Variants in COG4 observed in about 807,000 individuals in gnomAD.
COG4 encodes component of oligomeric golgi complex 4.
A neutral mutation model predicts 95.1 loss-of-function variants in COG4; 65 were observed. That is an observed-to-expected ratio of 0.68 (90% CI 0.56 to 0.84). The LOEUF is 0.84. Among genes scored for constraint, COG4 ranks in the 40% least tolerant of loss-of-function variants. COG4 has a pLI of 0.00. For synonymous variants in COG4, 421 were observed against 374.8 expected (o/e 1.12, Z -1.42); for missense variants, 1,045 against 989.1 (o/e 1.06, Z -0.76).
intron 8 of COG4, among the ~76,000 whole-genome samples, chr16:70,506,630 C>G (rs1427312828): frequency 1.6e-5 from 1 of 61,774 alleles, no homozygotes; most frequent in Non-Finnish European, 3.2e-5. Flanking sequence ...AAAAAAAAAA[C>G]ATTTAGCTGG....
At chr16:70,494,567 C>A (rs930834515) in intron 12 of COG4, among the ~76,000 whole-genome samples, 2 of 152,156 alleles carry the variant, frequency 1.3e-5, no homozygotes, top group Non-Finnish European at 2.9e-5. Context: ...GAGGTCCTCA[C>A]AGAGCGAATA....
At chr16:70,518,974 T>C (rs986439010) in intron 2 of COG4, among the ~76,000 whole-genome samples, 2 of 138,718 alleles carry the variant, frequency 1.4e-5, no homozygotes, top group African/African-American at 3.1e-5. Flanking sequence ...CGAAGCTCCA[T>C]CTCAAAAAAA....
At chr16:70,499,216 G>A (rs2049399767) in intron 9 of COG4, among the ~76,000 whole-genome samples, 1 of 151,834 alleles carries the variant, frequency 6.6e-6, no homozygotes, top group Non-Finnish European at 1.5e-5. Context: ...GAATCCAGCT[G>A]AGAAAGATGA....
intron 3 of COG4, among the ~76,000 whole-genome samples, chr16:70,517,146 G>T (rs1276001018): frequency 6.6e-6 from 1 of 151,994 alleles, no homozygotes; most frequent in African/African-American, 2.4e-5. Context: ...CAATCCTCCT[G>T]TTCTGGCCTC....
At chr16:70,486,046 C>T (rs973320696) in intron 13 of COG4, among the ~76,000 whole-genome samples, 20 of 152,030 alleles carry the variant, frequency 1.3e-4, no homozygotes, top group African/African-American at 4.8e-4. Context: ...CAGGCGCCCA[C>T]CACCACGCTC....
In COG4 at chr16:70,481,131, A is replaced by G; in HGVS notation, c.2249T>C (p.Leu750Pro). The G allele has an allele frequency of 1.9e-6, 3 of 1,613,390 alleles. No homozygotes were observed. Among genetic ancestry groups the G allele is most frequent in the Non-Finnish European group, 2.5e-6 (3 of 1,179,962 alleles). ...GCCGGAATTGGGTCCCCAGTAATCG[A>G]GGATCTCGGTCACCTGTGGGGAAGG... is the stretch of plus-strand genomic sequence containing the variant. The part of the protein sequence containing the change: ...ILNLERVTEI[L>P]DYWGPNSGPL... Residue 750 changes from leucine (L) to proline (P), a missense_variant, in exon 19 of 19, where the codon CTC becomes CCC. By Grantham distance (98) the Leu-to-Pro change is moderately conservative. Transcript: ENST00000323786.
chr16:70,500,095 A>G (rs1042186139), intron 9 of COG4, among the ~76,000 whole-genome samples: 2 of 151,544 alleles, frequency 1.3e-5, no homozygotes, highest in Admixed American at 1.3e-4. Flanking sequence ...CGGCCTCCCA[A>G]AGTTTTGGGA....
chr16:70,516,714 T>G (rs752043517), intron 3 of COG4, among the ~76,000 whole-genome samples: 4 of 152,128 alleles, frequency 2.6e-5, no homozygotes, highest in Non-Finnish European at 5.9e-5. Flanking sequence ...TCTTCTAATC[T>G]CTAATGTGGT....
rs866856008 is a variant in COG4, at chr16:70,509,162, C to T, written c.1002+69G>A. 1.3e-5 allele frequency: 20 copies of T among 1,590,710 alleles called. No individual in the cohort carries two copies. In the South Asian group the frequency reaches 1.5e-4, roughly 12 times the overall value. ...TTTTTTTTCACTTTTTCAAACCCTA[C>T]AATTTATTCTACTCAGTGTTCCTCG... On this transcript the variant is annotated intron_variant, in intron 7 of 18. Coordinates refer to ENST00000323786, the MANE Select transcript of COG4 (RefSeq NM_015386.3).
chr16:70,498,070 A>C lies in COG4; in HGVS notation c.1196-15T>G. On this transcript the variant is annotated splice_polypyrimidine_tract_variant and intron_variant, in intron 9 of 18. Transcript: ENST00000323786. ...CTTCTGGTGCTCTAGGGGACAGCCAAGAAAGGAATACTCATTTTTTTTCCC... is the reference window on the plus strand; with the variant it reads ...CTTCTGGTGCTCTAGGGGACAGCCACGAAAGGAATACTCATTTTTTTTCCC... 1 of 1,523,156 alleles carries C rather than the reference A, an allele frequency of 6.6e-7. No homozygotes were observed. The highest frequency in any genetic ancestry group is 9.1e-7 in the Non-Finnish European group (1 of 1,097,096). 94.4% of individuals were successfully genotyped at this position (1,523,156 alleles called of 1,614,324 possible).
intron 12 of COG4, 66 bp from the exon 13 acceptor site, chr16:70,490,458 G>C: frequency 7.8e-7 from 1 of 1,289,966 alleles, no homozygotes; most frequent in South Asian, 1.2e-5. Context: ...TCCAATGCCA[G>C]ACTGGCTGAC....
chr16:70,486,582 C>G (rs926728835), intron 13 of COG4, among the ~76,000 whole-genome samples: 4 of 152,180 alleles, frequency 2.6e-5, no homozygotes, highest in Non-Finnish European at 5.9e-5. Context: ...AGCTATTTTA[C>G]TTGGCTAATT....
In COG4 at chr16:70,497,944, A is replaced by G. The variant is rs778262467; in HGVS notation, c.1307T>C (p.Val436Ala). 6.3e-7 allele frequency: 1 copy of G among 1,574,974 alleles called. No individual in the cohort carries two copies. Among genetic ancestry groups the G allele is most frequent in the Non-Finnish European group, 8.7e-7 (1 of 1,144,402 alleles). Residue 436 changes from valine to alanine, a missense_variant, in exon 10 of 19, where the codon GTC becomes GCC. Coordinates refer to ENST00000323786, the MANE Select transcript of COG4 (RefSeq NM_015386.3). ...ATGCGTCCTATGTCCTACCTTATTG[A>G]CAGTCTCCCTCATGAAGTACTCCTC... ...TMEEYFMRET[V>A]NKAVALDTYE...
At chr16:70,486,117 G>C (rs959727417) in intron 13 of COG4, among the ~76,000 whole-genome samples, 3 of 150,880 alleles carry the variant, frequency 2.0e-5, no homozygotes, top group South Asian at 2.1e-4. Context: ...GGATGGTCTC[G>C]ATCTCCTGAC....
At chr16:70,494,041 C>T (rs1346041200) in intron 12 of COG4, among the ~76,000 whole-genome samples, 1 of 152,140 alleles carries the variant, frequency 6.6e-6, no homozygotes, top group Non-Finnish European at 1.5e-5. Flanking sequence ...TGTCGGTGTC[C>T]TGCAGCCAGT....
chr16:70,521,733 ACT>A (rs2049947195), intron 1 of COG4, among the ~76,000 whole-genome samples: 1 of 135,528 alleles, frequency 7.4e-6, no homozygotes, highest in African/African-American at 2.8e-5. Context: ...ACAGAGTCTC[ACT>A]CTGTCGCCGA....
rs770348849 is a variant in COG4 at position 70,496,473 on chromosome 16, T to G, written c.1482-42A>C. ...CATAGAGGAATTGACAGTGCTCAAC[T>G]TGGCCACCAGGACAGAAGGGCCAGT... On this transcript the variant is annotated intron_variant, in intron 11 of 18. Transcript: ENST00000323786. 4.4e-6 allele frequency: 7 copies of G among 1,607,862 alleles called. No individual in the cohort carries two copies. In the Admixed American group the frequency reaches 1.2e-4, roughly 27 times the overall value.
intron 12 of COG4, 102 bp downstream of exon 12, chr16:70,496,164 A>C (rs2049334617): frequency 2.5e-6 from 3 of 1,215,952 alleles, no homozygotes; most frequent in Non-Finnish European, 3.6e-6. Flanking sequence ...TAGACACTGG[A>C]GGAAAAGTCT....
At chr16:70,488,000 T>C (rs1280470360) in intron 13 of COG4, among the ~76,000 whole-genome samples, 1 of 151,950 alleles carries the variant, frequency 6.6e-6, no homozygotes, top group African/African-American at 2.4e-5. Context: ...AATTTTTGTA[T>C]TTTTAGTAGA....
Sources: gnomAD v4.1 joint callset for allele counts (sites outside exome capture counted in the v4.1 genomes callset) on GRCh38, gnomAD v4.1.1 for gene constraint, MANE v1.5 for transcripts, NCBI Gene and HGNC (gene_info 2026-07-23, HGNC 2026-07-21) for gene names.